The following HDAC4 variants were observed in gnomAD, a reference collection of about 807,000 sequenced individuals.
HDAC4 encodes the protein histone deacetylase 4, also known as histone deacetylase A.
HDAC4 carries 16 observed loss-of-function variants against 135.1 expected under a neutral mutation model. The observed-to-expected ratio is 0.12, with a 90% CI of 0.08 to 0.18. The LOEUF (loss-of-function observed/expected upper bound fraction) is 0.18. Among genes scored for constraint, HDAC4 ranks in the 10% least tolerant of loss-of-function variants. The probability of loss-of-function intolerance (pLI) is 1.00; values close to 1 mark genes in which losing one functional copy is unlikely to be tolerated. For synonymous variants in HDAC4, 685 were observed against 653.4 expected, an observed-to-expected ratio of 1.05 and a Z score of -0.74; for missense variants, 1,143 against 1,511.8, an observed-to-expected ratio of 0.76 and a Z score of 4.05.
rs767601354 is a variant in HDAC4, at chr2:239,066,672, C to T, written c.3003+50G>A. 3.1e-6 allele frequency: 5 copies of T among 1,611,996 alleles called. No individual in the cohort carries two copies. The South Asian group carries it at 5.5e-5, about 18-fold the overall frequency. On this transcript the variant is annotated intron_variant, in intron 24 of 26. Transcript: ENST00000543185. ...GCTCTCGGGCAGCCAGGCCACAACC[C>T]CGAGCCTGTCAGTGTGGAGCATCCT...
intron 1 of HDAC4, among the ~76,000 whole-genome samples, chr2:239,357,730 TA>T (rs985656718): frequency 4.1e-5 from 6 of 147,174 alleles, no homozygotes; most frequent in Admixed American, 6.7e-5. Flanking sequence ...CAAAAAATAA[TA>T]AAAAAAAATA....
Position 239,089,879 on chromosome 2 carries a change from G to A in HDAC4, c.2388+130C>T, listed in dbSNP as rs531563769. ...ATAGCGAGGCTGTGCTGACAGAGTG[G>A]GGTCCACGCCTCCCCATCACAGCCG... is the stretch of plus-strand genomic sequence containing the variant. On this transcript the variant is annotated intron_variant, in intron 18 of 26. Transcript: ENST00000543185. 111 of 731,866 alleles carry A rather than the reference G, an allele frequency of 1.5e-4. No homozygotes were observed. The African/African-American group carries it at 1.6e-3, about 10-fold the overall frequency. 45.3% of individuals were successfully genotyped at this position (731,866 alleles called of 1,614,324 possible).
intron 2 of HDAC4, among the ~76,000 whole-genome samples, chr2:239,264,160 C>T (rs1018428617): frequency 5.3e-5 from 8 of 152,228 alleles, no homozygotes; most frequent in African/African-American, 1.9e-4. Flanking sequence ...AGGTCACACC[C>T]CAAAGGCCAT....
In HDAC4 at chr2:239,146,597, G is replaced by A. The variant is rs2041778541; in HGVS notation, c.734-1883C>T. Among the ~76,000 whole-genome samples, 1 of 152,156 alleles carries A rather than the reference G, an allele frequency of 6.6e-6. No homozygotes were observed. Among genetic ancestry groups the A allele is most frequent in the Non-Finnish European group, 1.5e-5 (1 of 68,022 alleles). ...TCATCACGCTGCCACCAGGTCATCA[G>A]TCAGGCGGCAGATCCTCCACAGCCC... On this transcript the variant is annotated intron_variant, in intron 7 of 26. Transcript: ENST00000543185. The surrounding 1 kb of genome is among the most constrained non-coding windows in gnomAD (Gnocchi z 4.5).
chr2:239,290,632 C>T (rs1227714641), intron 2 of HDAC4, among the ~76,000 whole-genome samples: 5 of 152,158 alleles, frequency 3.3e-5, no homozygotes, highest in Non-Finnish European at 7.4e-5. Flanking sequence ...CACGTACACA[C>T]ATGTACGCAC....
chr2:239,228,934 G>C (rs1037498589), intron 3 of HDAC4, among the ~76,000 whole-genome samples: 1 of 152,126 alleles, frequency 6.6e-6, no homozygotes, highest in Non-Finnish European at 1.5e-5. Flanking sequence ...TTGAGGTCAG[G>C]AGTTCGAGAC....
intron 2 of HDAC4, among the ~76,000 whole-genome samples, chr2:239,261,060 G>A (rs989857886): frequency 5.3e-5 from 8 of 152,222 alleles, no homozygotes; most frequent in African/African-American, 1.9e-4. Context: ...GTTTCAGGTG[G>A]ACGTTCTGGA....
chr2:239,141,109 C>T lies in HDAC4; in HGVS notation c.866-1313G>A, dbSNP rs2041345893. 2 of 274,992 alleles carry T rather than the reference C, an allele frequency of 7.3e-6. No individual in the cohort carries two copies. The highest frequency in any genetic ancestry group is 1.6e-5 in the Non-Finnish European group (2 of 126,692). The allele number at this position is 274,992 out of a possible 1,614,324, so 17.0% of individuals were successfully genotyped here. A position where few individuals can be genotyped will look rare whatever the true frequency, so the allele number is the denominator to read the frequency against. ...AGGAGATGGAGGCATGGAGCAGCAACATCACTCGTCCCAGGCCACGTGGCT... is the reference window on the plus strand; with the variant it reads ...AGGAGATGGAGGCATGGAGCAGCAATATCACTCGTCCCAGGCCACGTGGCT... On this transcript the variant is annotated intron_variant, in intron 8 of 26. Transcript: ENST00000543185. This position sits in a 1 kb window ranked among gnomAD's most constrained non-coding sequence, Gnocchi z 4.9.
intron 3 of HDAC4, among the ~76,000 whole-genome samples, chr2:239,223,384 G>A (rs1267772912): frequency 2.0e-5 from 3 of 152,210 alleles, no homozygotes; most frequent in African/African-American, 4.8e-5. Context: ...GGAGACCGGC[G>A]TGGGCTGCAG....
chr2:239,198,576 G>T (rs966530105), intron 3 of HDAC4, among the ~76,000 whole-genome samples: 1 of 152,216 alleles, frequency 6.6e-6, no homozygotes, highest in African/African-American at 2.4e-5. Flanking sequence ...GATCATAGTC[G>T]CTGGAGAGCA....
chr2:239,331,050 G>A lies in HDAC4; in HGVS notation c.22+21628C>T, dbSNP rs1691536503. 1.3e-5 allele frequency among the ~76,000 whole-genome samples: 2 copies of A among 151,566 alleles called. No homozygotes were observed. Among genetic ancestry groups the A allele is most frequent in the Admixed American group, 6.6e-5 (1 of 15,260 alleles). On this transcript the variant is annotated intron_variant, in intron 2 of 26. Coordinates refer to ENST00000543185, the MANE Select transcript of HDAC4 (RefSeq NM_001378414.1). This position sits in a 1 kb window ranked among gnomAD's most constrained non-coding sequence, Gnocchi z 4.5. The stretch of plus-strand genomic sequence containing the variant: ...ACCTTGGCTGCCCGAAATTCGGAGT[G>A]GGGAGGAAGGCAGATATGCCTGAAT...
chr2:239,192,849 C>A (rs1018663510), intron 3 of HDAC4, among the ~76,000 whole-genome samples: 9 of 152,134 alleles, frequency 5.9e-5, no homozygotes, highest in African/African-American at 2.2e-4. Flanking sequence ...TCGGGGAAGG[C>A]ATACACTTGT....
At chr2:239,297,928 G>T (rs1559341477) in intron 2 of HDAC4, among the ~76,000 whole-genome samples, 1 of 152,106 alleles carries the variant, frequency 6.6e-6, no homozygotes, top group African/African-American at 2.4e-5. Context: ...CTTCCACAGG[G>T]CCCCCAAGTC....
At chr2:239,206,586 G>A (rs1440758852) in intron 3 of HDAC4, among the ~76,000 whole-genome samples, 1 of 149,700 alleles carries the variant, frequency 6.7e-6, no homozygotes, top group Non-Finnish European at 1.5e-5. Flanking sequence ...CTAAAATCAA[G>A]TAAAATTTAG....
intron 3 of HDAC4, among the ~76,000 whole-genome samples, chr2:239,228,213 C>A (rs940148269): frequency 3.3e-5 from 5 of 152,170 alleles, no homozygotes; most frequent in Non-Finnish European, 7.3e-5. Flanking sequence ...GGCCCAGGAC[C>A]AAGCAGCCCC....
At chr2:239,280,904 T>C (rs111695824) in intron 2 of HDAC4, among the ~76,000 whole-genome samples, 95 of 147,766 alleles carry the variant, frequency 6.4e-4, no homozygotes, top group African/African-American at 2.4e-3. Context: ...TACACACCAC[T>C]CTACAATGTA....
chr2:239,321,088 T>C (rs186352051), intron 2 of HDAC4, among the ~76,000 whole-genome samples: 3 of 152,338 alleles, frequency 2.0e-5, no homozygotes, highest in Admixed American at 6.5e-5. Context: ...TTTAAACCTA[T>C]GTTTACAAAC....
intron 4 of HDAC4, among the ~76,000 whole-genome samples, chr2:239,184,207 G>C (rs139942909): frequency 8.5e-5 from 13 of 152,344 alleles, no homozygotes; most frequent in African/African-American, 2.9e-4. Flanking sequence ...CAGGGAGAGA[G>C]GGTAAGCCTT....
chr2:239,056,749 G>T (rs554616731), intron 24 of HDAC4, among the ~76,000 whole-genome samples: 2 of 152,204 alleles, frequency 1.3e-5, no homozygotes, highest in Non-Finnish European at 2.9e-5. Flanking sequence ...TTGGAAAGGC[G>T]GTAAAAGCGT....
Sources: gnomAD v4.1 joint callset for allele counts (sites outside exome capture counted in the v4.1 genomes callset) on GRCh38, gnomAD v4.1.1 for gene constraint, Gnocchi (gnomAD v3.1) non-coding constraint, MANE v1.5 for transcripts, NCBI Gene and HGNC (gene_info 2026-07-23, HGNC 2026-07-21) for gene names.